Variants in ARSG observed in about 807,000 individuals in gnomAD.
ARSG encodes the protein ASG.
In ARSG, 37 loss-of-function variants were observed where a neutral mutation model predicts 50.5. The ratio of observed to expected loss-of-function variants is 0.73; its 90% CI spans 0.56 to 0.96. The LOEUF is 0.96. ARSG is among the 50% of genes least tolerant of loss of function. The pLI, the probability that ARSG is intolerant of heterozygous loss-of-function variation, is 0.00. For missense variants in ARSG, 629 were observed against 675.3 expected, an observed-to-expected ratio of 0.93 and a Z score of 0.76; for synonymous variants, 225 against 254.6, an observed-to-expected ratio of 0.88 and a Z score of 1.11.
At chr17:68,289,111 C>T (rs908093472), upstream of ARSG, among the ~76,000 whole-genome samples, 3 of 151,946 alleles carry the variant, frequency 2.0e-5, no homozygotes, top group Non-Finnish European at 4.4e-5. Flanking sequence ...TTAGGGAGGC[C>T]GAAGCAGGCA....
intron 2 of ARSG, among the ~76,000 whole-genome samples, chr17:68,308,624 C>T (rs557844548): frequency 3.3e-5 from 5 of 152,286 alleles, no homozygotes; most frequent in South Asian, 4.2e-4. Context: ...GGGACCTGAG[C>T]GGGTTGCCAC....
chr17:68,356,779 G>C lies in ARSG; in HGVS notation c.679G>C (p.Ala227Pro). Residue 227 changes from alanine to proline, a missense_variant, in exon 6 of 12, where the codon GCA becomes CCA. By Grantham distance (27) the Ala-to-Pro change is conservative (BLOSUM62 -1). Coordinates refer to ENST00000621439, the MANE Select transcript of ARSG (RefSeq NM_001267727.2). Reference sequence around the variant, plus strand: ...CCTTGCCCAGAAGTATGCTGAGAAAGCAACCCAGTTCATCCAGCGTGCAAG... The same window carrying C: ...CCTTGCCCAGAAGTATGCTGAGAAACCAACCCAGTTCATCCAGCGTGCAAG... Reference protein sequence around the residue: ...SSLAQKYAEKATQFIQRASTS... With the variant: ...SSLAQKYAEKPTQFIQRASTS... 1 of 1,614,188 alleles carries C rather than the reference G, an allele frequency of 6.2e-7. No homozygotes were observed. The highest frequency in any genetic ancestry group is 1.1e-5 in the South Asian group (1 of 91,086).
At chr17:68,348,707 G>A (rs970995104) in intron 4 of ARSG, among the ~76,000 whole-genome samples, 6 of 152,200 alleles carry the variant, frequency 3.9e-5, no homozygotes, top group Middle Eastern at 6.8e-3. Context: ...ACAGGTGCCC[G>A]CCACCATGCC....
At chr17:68,347,545 C>G (rs1426711628) in intron 4 of ARSG, among the ~76,000 whole-genome samples, 3 of 152,174 alleles carry the variant, frequency 2.0e-5, no homozygotes, top group African/African-American at 7.2e-5. Flanking sequence ...AAGCAGGAAA[C>G]CTGGCCATAG....
chr17:68,404,166 C>CA (rs2081603491), intron 11 of ARSG, among the ~76,000 whole-genome samples: 1 of 152,176 alleles, frequency 6.6e-6, no homozygotes, highest in African/African-American at 2.4e-5. Context: ...CCGCAATAAA[C>CA]ATACGTGTGC....
chr17:68,397,233 C>T (rs1600087980), intron 10 of ARSG, among the ~76,000 whole-genome samples: 5 of 152,136 alleles, frequency 3.3e-5, no homozygotes. Context: ...GTCACAGCAT[C>T]GTCACGGGGA....
Position 68,368,568 on chromosome 17 carries a change from T to A in ARSG, c.725T>A (p.Leu242Gln). ...QRASTSGRPF[L>Q]LYVALAHMHV... is the part of the protein sequence containing the mutation. ...TTCAGCACCAGCGGGAGGCCCTTCC[T>A]GCTCTATGTGGCTCTGGCCCACATG... The change falls in exon 7 of 12, where the codon CTG becomes CAG. Residue 242 changes from leucine to glutamine, a missense_variant. Leu to Gln is a moderately radical substitution (Grantham distance 113, BLOSUM62 -2). Transcript: ENST00000621439. 6.2e-7 allele frequency: 1 copy of A among 1,613,998 alleles called. No individual in the cohort carries two copies. The highest frequency in any genetic ancestry group is 8.5e-7 in the Non-Finnish European group (1 of 1,179,992).
At chr17:68,349,641 T>G (rs962535511) in intron 4 of ARSG, among the ~76,000 whole-genome samples, 4 of 152,064 alleles carry the variant, frequency 2.6e-5, no homozygotes, top group African/African-American at 7.2e-5. Context: ...CCCAGCACTT[T>G]GGGAGGCCGA....
intron 8 of ARSG, 74 bp downstream of exon 8, chr17:68,370,598 C>G (rs3744301): frequency 7.2e-7 from 1 of 1,384,558 alleles, no homozygotes; most frequent in Admixed American, 1.8e-5. Flanking sequence ...ATTCTGCCTC[C>G]GGGTGGGGGA....
chr17:68,440,378 C>T, the ARSG span, among the ~76,000 whole-genome samples: 2 of 152,172 alleles, frequency 1.3e-5, no homozygotes, highest in South Asian at 4.1e-4. Context: ...CTGCCAGTCT[C>T]CTCTTTCTGT....
chr17:68,307,342 C>T lies in ARSG; in HGVS notation c.-152C>T. The stretch of plus-strand genomic sequence containing the variant: ...AACATTCCTATAGCCGTTATCACTG[C>T]CATCACCACTGCCACCAGCATCTTC... On this transcript the variant is annotated 5_prime_UTR_variant, in exon 2 of 12. Transcript: ENST00000621439. The T allele has an allele frequency of 3.2e-6, 2 of 633,808 alleles. No individual in the cohort carries two copies. Among genetic ancestry groups the T allele is most frequent in the South Asian group, 3.9e-5 (2 of 50,956 alleles). 39.3% of individuals were successfully genotyped at this position (633,808 alleles called of 1,614,324 possible).
intron 1 of ARSG, among the ~76,000 whole-genome samples, chr17:68,283,923 C>T (rs1182471722): frequency 1.5e-5 from 2 of 137,600 alleles, no homozygotes; most frequent in Non-Finnish European, 3.2e-5. Context: ...CATAGCAAAA[C>T]ACTGTCTCTA....
chr17:68,364,289 C>T (rs143168636), intron 6 of ARSG, among the ~76,000 whole-genome samples: 6 of 152,200 alleles, frequency 3.9e-5, no homozygotes, highest in East Asian at 1.9e-4. Flanking sequence ...TTAGTAATCT[C>T]GGAAAACTGA....
intron 1 of ARSG, among the ~76,000 whole-genome samples, chr17:68,275,233 T>C (rs1832314646): frequency 6.6e-6 from 1 of 152,198 alleles, no homozygotes; most frequent in South Asian, 2.1e-4. Context: ...GCAAATTAGT[T>C]TCCTAGTTAT....
At chr17:68,395,325 C>G in intron 10 of ARSG, 132 bp downstream of exon 10, 2 of 1,369,708 alleles carry the variant, frequency 1.5e-6, no homozygotes, top group Non-Finnish European at 2.0e-6. Context: ...CAGTGGCTCA[C>G]GCCTGTAATC....
chr17:68,395,135 G>A lies in ARSG; in HGVS notation c.1154G>A (p.Arg385His), dbSNP rs9972951. 0.045 allele frequency: 72,781 copies of A among 1,614,052 alleles called. 3,760 individuals are homozygous for A. Among genetic ancestry groups the A allele is most frequent in the East Asian group, 0.2 (8,951 of 44,862 alleles). Residue 385 changes from arginine (R) to histidine (H), a missense_variant, in exon 10 of 12, where the codon CGC becomes CAC. Physicochemically the swap from Arg to His is conservative, Grantham distance 29. Transcript: ENST00000621439. The part of the protein sequence containing the change: ...LAQASLPQGR[R>H]FDGVDVSEVL... ...CAGGCCAGCTTACCTCAAGGACGGCGCTTTGATGGTGTGGACGTCTCCGAG... is the reference window on the plus strand; with the variant it reads ...CAGGCCAGCTTACCTCAAGGACGGCACTTTGATGGTGTGGACGTCTCCGAG...
intron 9 of ARSG, among the ~76,000 whole-genome samples, chr17:68,392,644 C>T (rs1421260554): frequency 6.6e-6 from 1 of 152,178 alleles, no homozygotes; most frequent in Non-Finnish European, 1.5e-5. Flanking sequence ...GGATTACAGG[C>T]GTGTGCCACC....
At chr17:68,401,501 G>T in intron 11 of ARSG, 51 bp downstream of exon 11, 1 of 1,536,004 alleles carries the variant, frequency 6.5e-7, no homozygotes, top group South Asian at 1.1e-5. Flanking sequence ...GCTGCACGGG[G>T]ACCCCATGGA....
At chr17:68,444,527 C>T in the ARSG span, 24 of 1,614,038 alleles carry the variant, frequency 1.5e-5, no homozygotes, top group Non-Finnish European at 2.0e-5. Context: ...GGAGGGTCTT[C>T]AACAGCTTCA....
Sources: gnomAD v4.1 joint callset for allele counts (sites outside exome capture counted in the v4.1 genomes callset) on GRCh38, gnomAD v4.1.1 for gene constraint, MANE v1.5 for transcripts, NCBI Gene and HGNC (gene_info 2026-07-23, HGNC 2026-07-21) for gene names.